Variants in CYP26A1 observed in about 807,000 individuals in gnomAD.
CYP26A1 encodes cytochrome P450 family 26 subfamily A member 1.
Under a neutral mutation model 47.4 loss-of-function variants are expected in CYP26A1, and 46 were observed. The observed-to-expected ratio is 0.97, with a 90% confidence interval of 0.77 to 1.24. CYP26A1 has a LOEUF of 1.24. CYP26A1 is among the 50% of genes most tolerant of loss of function. CYP26A1 has a pLI of 0.00. For synonymous variants in CYP26A1, 277 were observed against 263.7 expected (o/e 1.05, Z -0.49); for missense variants, 680 against 644.4 (o/e 1.06, Z -0.60).
intron 4 of CYP26A1, 128 bp downstream of exon 4, chr10:93,075,435 A>G: frequency 1.2e-6 from 1 of 822,340 alleles, no homozygotes; most frequent in Non-Finnish European, 1.9e-6. Context: ...CTCAGACTAC[A>G]GCTATGGAAT....
rs140932042 is a variant in CYP26A1 at position 93,074,525 on chromosome 10, G to A, written c.407G>A (p.Arg136His). The A allele has an allele frequency of 2.1e-5, 33 of 1,593,078 alleles. No individual in the cohort carries two copies. The highest frequency in any genetic ancestry group is 2.7e-5 in the Non-Finnish European group (31 of 1,161,734). The change falls in exon 2 of 7, where the codon CGC becomes CAC. Residue 136 changes from arginine to histidine, a missense_variant. Coordinates refer to ENST00000224356, the MANE Select transcript of CYP26A1 (RefSeq NM_000783.4). This position sits in a 1 kb window ranked among gnomAD's most constrained non-coding sequence, Gnocchi z 5.3. ...SNLHDSSHKQRKKVIMRAFSR... is the reference protein window; with the variant it reads ...SNLHDSSHKQHKKVIMRAFSR... ...CTGCACGACTCCTCGCACAAGCAGC[G>A]CAAGAAGGTGGGGGCAGGAGGCGAC...
Position 93,075,938 on chromosome 10 carries a change from T to A in CYP26A1, c.977T>A (p.Val326Glu). 1.2e-6 allele frequency: 2 copies of A among 1,613,360 alleles called. No individual in the cohort carries two copies. Among genetic ancestry groups the A allele is most frequent in the Non-Finnish European group, 1.7e-6 (2 of 1,179,308 alleles). Residue 326 changes from valine (V) to glutamate (E), a missense_variant, in exon 5 of 7, where the codon GTG (valine) becomes GAG (glutamate). Transcript: ENST00000224356. ...LGLYPHVLQK[V>E]REELKSKGLL... ...CTCTACCCACATGTTCTCCAGAAAG[T>A]GCGAGAAGAGCTGAAGAGTAAGGTA...
At position 93,074,466 on chromosome 10, in the gene CYP26A1, G is replaced by A. The variant is rs1846942329; in HGVS notation, c.348G>A (p.Val116=). ...TGTCGGTCCACTGGCCAGCGTCGGT[G>A]CGCACCATTCTGGGATCTGGCTGCC... ...RLVSVHWPAS[V]RTILGSGCLS... is the part of the protein sequence containing the mutation. The change falls in exon 2 of 7, where the codon GTG becomes GTA. Residue 116 remains valine (V), a synonymous_variant. Coordinates refer to ENST00000224356, the MANE Select transcript of CYP26A1 (RefSeq NM_000783.4). This position sits in a 1 kb window ranked among gnomAD's most constrained non-coding sequence, Gnocchi z 5.3. 2 of 1,612,370 alleles carry A rather than the reference G, an allele frequency of 1.2e-6. No homozygotes were observed. Among genetic ancestry groups the A allele is most frequent in the Non-Finnish European group, 1.7e-6 (2 of 1,179,210 alleles).
chr10:93,073,876 G>A, upstream of CYP26A1: 1 of 670,306 alleles, frequency 1.5e-6, no homozygotes, highest in East Asian at 2.7e-5. Flanking sequence ...AAGCGGCAGC[G>A]CCGTGGGGTT....
At position 93,075,906 on chromosome 10, in the gene CYP26A1, C is replaced by G. The variant is rs1297236858; in HGVS notation, c.945C>G (p.Tyr315Ter). 1.2e-6 allele frequency: 2 copies of G among 1,611,526 alleles called. No homozygotes were observed. The highest frequency in any genetic ancestry group is 1.7e-5 in the Admixed American group (1 of 60,028). Residue 315 changes from tyrosine (Y) to a stop codon, truncating the protein, a stop_gained, in exon 5 of 7, where the codon TAC (tyrosine) becomes TAG (stop). Transcript: ENST00000224356. LOFTEE classifies it high-confidence loss of function. ...GTGCAGCCACATCTCTGATCACTTACCTGGGGCTCTACCCACATGTTCTCC... is the reference window on the plus strand; with the variant it reads ...GTGCAGCCACATCTCTGATCACTTAGCTGGGGCTCTACCCACATGTTCTCC... ...TASAATSLIT[Y>*]LGLYPHVLQK...
chr10:93,074,033 G>T lies in CYP26A1; in HGVS notation c.99G>T (p.Val33=). The T allele has an allele frequency of 6.2e-7, 1 of 1,607,798 alleles. No individual in the cohort carries two copies. Among genetic ancestry groups the T allele is most frequent in the Non-Finnish European group, 8.5e-7 (1 of 1,175,796 alleles). The stretch of plus-strand genomic sequence containing the variant: ...TCAAGCTCTGGGACCTGTACTGCGT[G>T]AGCGGCCGCGACCGCAGTTGTGCCC... ...AAIKLWDLYC[V]SGRDRSCALP... Residue 33 remains valine, a synonymous_variant, in exon 1 of 7, where the codon GTG becomes GTT. Transcript: ENST00000224356. The surrounding 1 kb of genome is among the most constrained non-coding windows in gnomAD (Gnocchi z 5.3).
chr10:93,077,810 A>G lies in CYP26A1; in HGVS notation c.*506A>G, dbSNP rs1461991198. The G allele has an allele frequency of 6.6e-6, 1 of 152,256 alleles. No homozygotes were observed. The highest frequency in any genetic ancestry group is 1.5e-5 in the Non-Finnish European group (1 of 68,076). 9.4% of individuals were successfully genotyped at this position (152,256 alleles called of 1,614,324 possible). ...AGGGAAAGATGAACCTGAAAAGGTA[A>G]CACTGAGAACTGTCACTCTAACCTC... On this transcript the variant is annotated 3_prime_UTR_variant, in exon 7 of 7. Coordinates refer to ENST00000224356, the MANE Select transcript of CYP26A1 (RefSeq NM_000783.4).
chr10:93,074,653 C>T lies in CYP26A1; in HGVS notation c.414+121C>T. 9.3e-7 allele frequency: 1 copy of T among 1,075,616 alleles called. No individual in the cohort carries two copies. The highest frequency in any genetic ancestry group is 1.4e-5 in the South Asian group (1 of 72,700). The allele number at this position is 1,075,616 out of a possible 1,614,324, so 66.6% of individuals were successfully genotyped here. Reference sequence around the variant, plus strand: ...GTGGGCTAGGACCCTCTGCCAGCTCCAGGTTAGCTTTCCCAGCTCGGAGAG... The same window carrying T: ...GTGGGCTAGGACCCTCTGCCAGCTCTAGGTTAGCTTTCCCAGCTCGGAGAG... On this transcript the variant is annotated intron_variant, in intron 2 of 6. Coordinates refer to ENST00000224356, the MANE Select transcript of CYP26A1 (RefSeq NM_000783.4). This position sits in a 1 kb window ranked among gnomAD's most constrained non-coding sequence, Gnocchi z 5.3.
intron 4 of CYP26A1, 157 bp from the exon 5 acceptor site, chr10:93,075,663 GGACGTT>G (rs1846968603): frequency 1.6e-6 from 1 of 609,858 alleles, no homozygotes; most frequent in Non-Finnish European, 2.9e-6. Flanking sequence ...TGAACTAAAG[GGACGTT>G]GCATTTTGTT....
At position 93,074,244 on chromosome 10, in the gene CYP26A1, C is replaced by T; in HGVS notation, c.190-64C>T. On this transcript the variant is annotated intron_variant, in intron 1 of 6. Transcript: ENST00000224356. The surrounding 1 kb of genome is among the most constrained non-coding windows in gnomAD (Gnocchi z 5.3). ...CTATTGCGGCTAGGAGCAGGGCTGG[C>T]GGGAGCGCGGCGCTCCCCGGCGCCC... is the stretch of plus-strand genomic sequence containing the variant. 4 of 1,508,664 alleles carry T rather than the reference C, an allele frequency of 2.7e-6. No homozygotes were observed. Among genetic ancestry groups the T allele is most frequent in the Non-Finnish European group, 2.7e-6 (3 of 1,100,216 alleles). The allele number at this position is 1,508,664 out of a possible 1,614,324, so 93.5% of individuals were successfully genotyped here. A position where few individuals can be genotyped will look rare whatever the true frequency, so the allele number is the denominator to read the frequency against.
At chr10:93,076,355 C>A in intron 5 of CYP26A1, 189 bp from the exon 6 acceptor site, 1 of 560,138 alleles carries the variant, frequency 1.8e-6, no homozygotes, top group East Asian at 2.9e-5. Context: ...GAGCAGCATT[C>A]TCCTGGGATT....
Position 93,074,508 on chromosome 10 carries a change from C to T in CYP26A1, c.390C>T (p.Asp130=). Residue 130 remains aspartate (D), a synonymous_variant, in exon 2 of 7, where the codon GAC becomes GAT. Coordinates refer to ENST00000224356, the MANE Select transcript of CYP26A1 (RefSeq NM_000783.4). The surrounding 1 kb of genome is among the most constrained non-coding windows in gnomAD (Gnocchi z 5.3). ...CTGGCTGCCTCTCTAACCTGCACGA[C>T]TCCTCGCACAAGCAGCGCAAGAAGG... ...LGSGCLSNLH[D]SSHKQRKKVI... The T allele has an allele frequency of 3.1e-6, 5 of 1,606,992 alleles. No individual in the cohort carries two copies. Among genetic ancestry groups the T allele is most frequent in the Non-Finnish European group, 2.6e-6 (3 of 1,174,260 alleles).
Position 93,077,432 on chromosome 10 carries a change from C to A in CYP26A1, c.*128C>A. On this transcript the variant is annotated 3_prime_UTR_variant, in exon 7 of 7. Transcript: ENST00000224356. ...TATTTATGTGTTTTGACTATACTAC[C>A]ACAATCTTTAAATATTAAAATAATG... 2.4e-6 allele frequency: 1 copy of A among 417,154 alleles called. No homozygotes were observed. Among genetic ancestry groups the A allele is most frequent in the Non-Finnish European group, 4.1e-6 (1 of 241,192 alleles). The allele number at this position is 417,154 out of a possible 1,614,324, so 25.8% of individuals were successfully genotyped here.
At chr10:93,076,111 T>G (rs1394533798) in intron 5 of CYP26A1, 151 bp downstream of exon 5, 4 of 632,958 alleles carry the variant, frequency 6.3e-6, no homozygotes, top group Non-Finnish European at 1.1e-5. Context: ...AGAATTAGCT[T>G]TGTGAATAAA....
At position 93,074,681 on chromosome 10, in the gene CYP26A1, C is replaced by A; in HGVS notation, c.415-98C>A. On this transcript the variant is annotated intron_variant, in intron 2 of 6. Coordinates refer to ENST00000224356, the MANE Select transcript of CYP26A1 (RefSeq NM_000783.4). The surrounding 1 kb of genome is among the most constrained non-coding windows in gnomAD (Gnocchi z 5.3). ...GTTAGCTTTCCCAGCTCGGAGAGTG[C>A]CATGTGTCTGGCAGGACTGGGGGTG... 1 of 1,168,406 alleles carries A rather than the reference C, an allele frequency of 8.6e-7. No individual in the cohort carries two copies. The highest frequency in any genetic ancestry group is 1.2e-6 in the Non-Finnish European group (1 of 807,818). The allele number at this position is 1,168,406 out of a possible 1,614,324, so 72.4% of individuals were successfully genotyped here.
Position 93,075,126 on chromosome 10 carries a change from C to G in CYP26A1, c.706-23C>G, listed in dbSNP as rs780402885. On this transcript the variant is annotated intron_variant, in intron 3 of 6. Transcript: ENST00000224356. Reference sequence around the variant, plus strand: ...GCGCGGGACCTGGGCGTCTGCTCACCGCCGCGCGCTCTCTGCGCTCAGGGC... The same window carrying G: ...GCGCGGGACCTGGGCGTCTGCTCACGGCCGCGCGCTCTCTGCGCTCAGGGC... The G allele has an allele frequency of 2.5e-6, 4 of 1,611,170 alleles. No individual in the cohort carries two copies. The South Asian group carries it at 4.4e-5, about 18-fold the overall frequency.
Position 93,074,373 on chromosome 10 carries a change from G to A in CYP26A1, c.255G>A (p.Gly85=), listed in dbSNP as rs761442477. 11 of 1,612,318 alleles carry A rather than the reference G, an allele frequency of 6.8e-6. No homozygotes were observed. The highest frequency in any genetic ancestry group is 9.3e-6 in the Non-Finnish European group (11 of 1,179,108). ...TCATCTACAAGACGCATCTGTTCGG[G>A]CGGCCCACCGTACGGGTGATGGGCG... ...YGFIYKTHLF[G]RPTVRVMGAD... Residue 85 remains glycine (G), a synonymous_variant, in exon 2 of 7, where the codon GGG becomes GGA. Coordinates refer to ENST00000224356, the MANE Select transcript of CYP26A1 (RefSeq NM_000783.4). This position sits in a 1 kb window ranked among gnomAD's most constrained non-coding sequence, Gnocchi z 5.3.
Position 93,074,154 on chromosome 10 carries a change from TC to T in CYP26A1, c.189+35del. Reference sequence around the variant, plus strand: ...GGAGGGTGGGGCGGGACAGGCTGCTTCCCCGGAGCCCGGCGCGGCTCTGGGC... The same window carrying T: ...GGAGGGTGGGGCGGGACAGGCTGCTTCCCGGAGCCCGGCGCGGCTCTGGGC... On this transcript the variant is annotated intron_variant, in intron 1 of 6. Transcript: ENST00000224356. The surrounding 1 kb of genome is among the most constrained non-coding windows in gnomAD (Gnocchi z 5.3). 1.3e-6 allele frequency: 2 copies of T among 1,527,836 alleles called. No homozygotes were observed. The highest frequency in any genetic ancestry group is 1.8e-6 in the Non-Finnish European group (2 of 1,134,852). The allele number at this position is 1,527,836 out of a possible 1,614,324, so 94.6% of individuals were successfully genotyped here. A position where few individuals can be genotyped will look rare whatever the true frequency, so the allele number is the denominator to read the frequency against.
Position 93,074,744 on chromosome 10 carries a change from G to A in CYP26A1, c.415-35G>A, listed in dbSNP as rs751837163. 1 of 1,554,194 alleles carries A rather than the reference G, an allele frequency of 6.4e-7. No individual in the cohort carries two copies. Among genetic ancestry groups the A allele is most frequent in the Middle Eastern group, 1.7e-4 (1 of 5,900 alleles). ...CGGCGGTAGACGAGAGGGGCGGATGGAGGCTTTTAACGCTGTCCCCTCCTC... is the reference window on the plus strand; with the variant it reads ...CGGCGGTAGACGAGAGGGGCGGATGAAGGCTTTTAACGCTGTCCCCTCCTC... On this transcript the variant is annotated intron_variant, in intron 2 of 6. Coordinates refer to ENST00000224356, the MANE Select transcript of CYP26A1 (RefSeq NM_000783.4). This position sits in a 1 kb window ranked among gnomAD's most constrained non-coding sequence, Gnocchi z 5.3.
Sources: allele counts gnomAD v4.1 joint callset, GRCh38; gene constraint gnomAD v4.1.1; non-coding constraint Gnocchi (gnomAD v3.1); transcripts MANE v1.5; gene names NCBI Gene and HGNC (gene_info 2026-07-23, HGNC 2026-07-21).